The following CNTNAP2 variants were observed in gnomAD, a reference collection of about 807,000 sequenced individuals.
The protein encoded by CNTNAP2 is contactin-associated protein-like 2.
In CNTNAP2, 98 loss-of-function variants were observed where a neutral mutation model predicts 155.2. The ratio of observed to expected loss-of-function variants is 0.63; its 90% CI spans 0.54 to 0.75. CNTNAP2 has a LOEUF of 0.75. Among genes scored for constraint, CNTNAP2 ranks in the 30% least tolerant of loss-of-function variants. The probability of loss-of-function intolerance (pLI) is 0.00; values close to 1 mark genes in which losing one functional copy is unlikely to be tolerated. For missense variants in CNTNAP2, 1,727 were observed against 1,688.1 expected, an observed-to-expected ratio of 1.02 and a Z score of -0.40; for synonymous variants, 651 against 631.2, an observed-to-expected ratio of 1.03 and a Z score of -0.47.
intron 15 of CNTNAP2, among the ~76,000 whole-genome samples, chr7:148,013,861 T>C (rs1233566404): frequency 2.6e-5 from 4 of 152,196 alleles, no homozygotes; most frequent in African/African-American, 9.7e-5. Context: ...TTGGTGGCAG[T>C]TGAGCAAAAT....
At chr7:147,103,354 A>G (rs1800692689) in intron 4 of CNTNAP2, among the ~76,000 whole-genome samples, 2 of 152,138 alleles carry the variant, frequency 1.3e-5, no homozygotes, top group South Asian at 4.1e-4. Flanking sequence ...TGATCAATGT[A>G]TCTAAAATAT....
chr7:148,252,224 A>G (rs1166298879), intron 20 of CNTNAP2, among the ~76,000 whole-genome samples: 2 of 152,126 alleles, frequency 1.3e-5, no homozygotes, highest in Non-Finnish European at 2.9e-5. Flanking sequence ...CCCTTAATAC[A>G]TTCTTTCTCT....
At chr7:146,684,140 T>C (rs1037929857) in intron 1 of CNTNAP2, among the ~76,000 whole-genome samples, 6 of 152,146 alleles carry the variant, frequency 3.9e-5, no homozygotes, top group Admixed American at 3.9e-4. Context: ...TTGAGCTGAA[T>C]CTAATGCCAT....
intron 8 of CNTNAP2, among the ~76,000 whole-genome samples, chr7:147,142,542 T>G (rs543003813): frequency 2.0e-5 from 3 of 152,190 alleles, no homozygotes; most frequent in East Asian, 3.9e-4. Context: ...TCTCTTTTTT[T>G]GTTGTGTCTC....
rs1563185308 is a variant in CNTNAP2, at chr7:148,061,924, G to GATAAACAGAT, written c.2384-56191_2384-56190insAACAGATATA. Among the ~76,000 whole-genome samples, 24 of 63,276 alleles carry GATAAACAGAT rather than the reference G, an allele frequency of 3.8e-4. 1 individual carries two copies. Among genetic ancestry groups the GATAAACAGAT allele is most frequent in the African/African-American group, 2.0e-3 (24 of 11,774 alleles). 41.5% of individuals were successfully genotyped at this position (63,276 alleles called of 152,430 possible). A position where few individuals can be genotyped will look rare whatever the true frequency, so the allele number is the denominator to read the frequency against. ...ATAGATAGATAGATAAACAGATATA[G>GATAAACAGAT]ATAGATAGATAGATAGATAGATAAA... On this transcript the variant is annotated intron_variant, in intron 15 of 23. Transcript: ENST00000361727.
chr7:147,595,253 T>C (rs1013872), intron 12 of CNTNAP2, among the ~76,000 whole-genome samples: 39,494 of 152,044 alleles, frequency 0.26, 5,402 homozygotes, highest in East Asian at 0.35. Context: ...TTTTATGAAT[T>C]CCCTTCTTAG....
At chr7:147,776,058 C>T (rs1307055830) in intron 13 of CNTNAP2, among the ~76,000 whole-genome samples, 1 of 151,970 alleles carries the variant, frequency 6.6e-6, no homozygotes, top group Non-Finnish European at 1.5e-5. Flanking sequence ...GAACTGTTCC[C>T]TAGTAAAAGT....
At chr7:148,338,867 G>GA (rs1345230874) in intron 21 of CNTNAP2, among the ~76,000 whole-genome samples, 3 of 152,120 alleles carry the variant, frequency 2.0e-5, no homozygotes, top group Non-Finnish European at 2.9e-5. Context: ...GGTGGAAGAA[G>GA]AAAAAACCAC....
At chr7:146,183,006 C>A (rs566250616) in intron 1 of CNTNAP2, among the ~76,000 whole-genome samples, 176 of 152,264 alleles carry the variant, frequency 1.2e-3, no homozygotes, top group African/African-American at 4.2e-3. Context: ...CCATTTAATT[C>A]TATTAAAAAT....
chr7:148,368,168 C>G (rs1344460419), intron 21 of CNTNAP2, among the ~76,000 whole-genome samples: 1 of 152,216 alleles, frequency 6.6e-6, no homozygotes, highest in African/African-American at 2.4e-5. Context: ...TTCCTTGTCT[C>G]TTATCCTTTG....
rs1339423315 is a variant in CNTNAP2, at chr7:147,037,455, C to CCT, written c.403-6452_403-6451insCT. ...ACATCCAGTTTTGTTTTTTTTTTCC[C>CCT]TTTTTTTTTTTTTTTTTTTTATTGA... On this transcript the variant is annotated intron_variant, in intron 3 of 23. Coordinates refer to ENST00000361727, the MANE Select transcript of CNTNAP2 (RefSeq NM_014141.6). 6.6e-4 allele frequency among the ~76,000 whole-genome samples: 89 copies of CCT among 134,644 alleles called. 5 individuals carry two copies. Among genetic ancestry groups the CCT allele is most frequent in the African/African-American group, 9.3e-4 (34 of 36,578 alleles). The allele number at this position is 134,644 out of a possible 152,430, so 88.3% of individuals were successfully genotyped here.
At chr7:146,772,937 A>G (rs2129185638) in intron 1 of CNTNAP2, among the ~76,000 whole-genome samples, 1 of 152,246 alleles carries the variant, frequency 6.6e-6, no homozygotes, top group Non-Finnish European at 1.5e-5. Flanking sequence ...GCAGAGTGAG[A>G]GGGGAAGCAG....
At chr7:147,085,889 G>A (rs904911396) in intron 4 of CNTNAP2, 3 of 152,206 alleles carry the variant, frequency 2.0e-5, no homozygotes, top group East Asian at 1.9e-4. Context: ...TGTCCTGTGT[G>A]TTCCTGTAGA....
At chr7:146,188,352 G>GC (rs1242774333) in intron 1 of CNTNAP2, among the ~76,000 whole-genome samples, 1 of 152,294 alleles carries the variant, frequency 6.6e-6, no homozygotes, top group African/African-American at 2.4e-5. Flanking sequence ...GTATATTAAG[G>GC]CTGCAAGAGA....
rs377627481 is a variant in CNTNAP2, at chr7:147,485,973, C to T, written c.1709C>T (p.Ser570Leu). 1.5e-5 allele frequency: 25 copies of T among 1,613,850 alleles called. No homozygotes were observed. Among genetic ancestry groups the T allele is most frequent in the Admixed American group, 8.3e-5 (5 of 59,982 alleles). ...PNHCEHGGKC[S>L]QTWDSFKCTC... ...CACTGTGAGCATGGTGGAAAGTGCTCGCAAACATGGGACAGCTTCAAATGC... is the reference window on the plus strand; with the variant it reads ...CACTGTGAGCATGGTGGAAAGTGCTTGCAAACATGGGACAGCTTCAAATGC... Residue 570 changes from serine (S) to leucine (L), a missense_variant, in exon 11 of 24, where the codon TCG (serine) becomes TTG (leucine). Physicochemically the swap from Ser to Leu is moderately radical, Grantham distance 145. Transcript: ENST00000361727.
intron 18 of CNTNAP2, among the ~76,000 whole-genome samples, chr7:148,213,824 G>A (rs1268363912): frequency 6.6e-6 from 1 of 152,110 alleles, no homozygotes; most frequent in African/African-American, 2.4e-5. Context: ...ATCAGACTCT[G>A]AACTACTGAG....
In CNTNAP2 at chr7:147,121,108, G is replaced by A. The variant is rs753933003; in HGVS notation, c.884G>A (p.Ser295Asn). The A allele has an allele frequency of 3.1e-6, 5 of 1,614,154 alleles. No individual in the cohort carries two copies. The highest frequency in any genetic ancestry group is 1.7e-5 in the Admixed American group (1 of 60,028). Residue 295 changes from serine (S) to asparagine (N), a missense_variant, in exon 6 of 24, where the codon AGC (serine) becomes AAC (asparagine). Ser to Asn is a conservative substitution (Grantham distance 46, BLOSUM62 1). Coordinates refer to ENST00000361727, the MANE Select transcript of CNTNAP2 (RefSeq NM_014141.6). ...AGCATTAACCTCACTCTGGACAGGA[G>A]CATGCAGCACTTCCGTACCAATGGA... ...GRSINLTLDR[S>N]MQHFRTNGEF...
At chr7:146,760,411 T>A (rs1355604231) in intron 1 of CNTNAP2, among the ~76,000 whole-genome samples, 1 of 22,462 alleles carries the variant, frequency 4.5e-5, no homozygotes, top group Non-Finnish European at 9.5e-5. Flanking sequence ...CAATTTACCT[T>A]TTTTTTTTTT....
At chr7:146,613,049 T>C (rs1227193863) in intron 1 of CNTNAP2, among the ~76,000 whole-genome samples, 3 of 152,204 alleles carry the variant, frequency 2.0e-5, no homozygotes, top group African/African-American at 7.2e-5. Context: ...AAGAGAATTG[T>C]AGCAAGCTAA....
Sources: gnomAD v4.1 joint callset for allele counts (sites outside exome capture counted in the v4.1 genomes callset) on GRCh38, gnomAD v4.1.1 for gene constraint, MANE v1.5 for transcripts, NCBI Gene and HGNC (gene_info 2026-07-23, HGNC 2026-07-21) for gene names.